The following SNX29 variants were observed in gnomAD, a reference collection of about 807,000 sequenced individuals.
The protein encoded by SNX29 is sorting nexin 29.
Under a neutral mutation model 102.1 loss-of-function variants are expected in SNX29, and 78 were observed. The observed-to-expected ratio is 0.76, with a 90% confidence interval of 0.64 to 0.92. The LOEUF is 0.92. SNX29 is among the 40% of genes least tolerant of loss of function. SNX29 has a pLI of 0.00. For synonymous variants in SNX29, 580 were observed against 414.5 expected, an observed-to-expected ratio of 1.40 and a Z score of -4.85; for missense variants, 1,280 against 1,061.7, an observed-to-expected ratio of 1.21 and a Z score of -2.86.
At chr16:12,074,372 C>CA (rs2051443323) in intron 10 of SNX29, among the ~76,000 whole-genome samples, 1 of 151,872 alleles carries the variant, frequency 6.6e-6, no homozygotes, top group Non-Finnish European at 1.5e-5. Context: ...CTGGTGGTGA[C>CA]AAAATCTCTC....
intron 14 of SNX29, among the ~76,000 whole-genome samples, chr16:12,248,339 G>A (rs1234312934): frequency 6.6e-6 from 1 of 151,140 alleles, no homozygotes; most frequent in Admixed American, 6.6e-5. Context: ...GTTTCCTGGA[G>A]TTCTTCCTCT....
intron 20 of SNX29, chr16:12,526,825 T>A (rs943729968): frequency 4.9e-6 from 2 of 404,640 alleles, no homozygotes; most frequent in Non-Finnish European, 4.7e-6. Context: ...GGTCCAGTGT[T>A]TCCCAAACAT....
At chr16:12,194,630 T>G (rs2076724566) in intron 13 of SNX29, among the ~76,000 whole-genome samples, 2 of 151,092 alleles carry the variant, frequency 1.3e-5, no homozygotes, top group East Asian at 3.9e-4. Flanking sequence ...TAGTTTTTTT[T>G]TTTTTTTTTT....
intron 15 of SNX29, among the ~76,000 whole-genome samples, chr16:12,303,824 G>A (rs1051602964): frequency 9.2e-5 from 14 of 152,142 alleles, no homozygotes; most frequent in Admixed American, 1.3e-4. Flanking sequence ...ACATAGCAGC[G>A]GTTCACTGGG....
At chr16:12,229,751 C>T (rs1294728952) in intron 14 of SNX29, among the ~76,000 whole-genome samples, 1 of 152,146 alleles carries the variant, frequency 6.6e-6, no homozygotes, top group African/African-American at 2.4e-5. Flanking sequence ...TCAGCCAAGT[C>T]AAAAGGGATG....
At chr16:12,530,448 T>A (rs1257850256) in intron 20 of SNX29, among the ~76,000 whole-genome samples, 1 of 152,112 alleles carries the variant, frequency 6.6e-6, no homozygotes, top group Non-Finnish European at 1.5e-5. Context: ...ACACCTACCC[T>A]TGCACTCACT....
At chr16:12,422,638 C>T (rs748862561) in intron 18 of SNX29, among the ~76,000 whole-genome samples, 2 of 152,184 alleles carry the variant, frequency 1.3e-5, no homozygotes, top group Non-Finnish European at 2.9e-5. Context: ...TGAGATTCCT[C>T]GTCCCATCTC....
intron 4 of SNX29, among the ~76,000 whole-genome samples, chr16:12,029,075 T>A (rs1347131338): frequency 6.6e-6 from 1 of 152,064 alleles, no homozygotes; most frequent in Non-Finnish European, 1.5e-5. Context: ...GATACATGCC[T>A]AGAATGTGTA....
chr16:12,512,638 G>A (rs2089682529), intron 19 of SNX29, among the ~76,000 whole-genome samples: 1 of 151,740 alleles, frequency 6.6e-6, no homozygotes, highest in Non-Finnish European at 1.5e-5. Flanking sequence ...CCATGGATAC[G>A]CAGGCGGTTG....
At chr16:12,525,099 T>C (rs952571618) in intron 20 of SNX29, among the ~76,000 whole-genome samples, 2 of 152,094 alleles carry the variant, frequency 1.3e-5, no homozygotes, top group African/African-American at 2.4e-5. Flanking sequence ...TGGGGCTCTG[T>C]GATTTTGTAC....
At chr16:12,158,708 G>T (rs1038734670) in intron 13 of SNX29, among the ~76,000 whole-genome samples, 4 of 152,248 alleles carry the variant, frequency 2.6e-5, no homozygotes, top group African/African-American at 4.8e-5. Flanking sequence ...GTGCACCGGA[G>T]ACTCGGGGTA....
At chr16:11,980,999 C>A (rs1482762605) in intron 1 of SNX29, among the ~76,000 whole-genome samples, 1 of 149,278 alleles carries the variant, frequency 6.7e-6, no homozygotes, top group African/African-American at 2.5e-5. Context: ...CTTGCTCTAT[C>A]ACCCAGGCTG....
chr16:12,403,423 G>GTC (rs755622704), intron 17 of SNX29, 25 bp from the exon 18 acceptor site: 7 of 1,577,616 alleles, frequency 4.4e-6, no homozygotes, highest in East Asian at 4.6e-5. Flanking sequence ...TCTAATGTTG[G>GTC]TCTCTCTCTC....
At chr16:12,063,366 CTTTTTTTTT>C (rs369015533) in intron 9 of SNX29, among the ~76,000 whole-genome samples, 13 of 55,336 alleles carry the variant, frequency 2.3e-4, no homozygotes, top group African/African-American at 2.9e-4. Context: ...CCTAGTCCAT[CTTTTTTTTT>C]TTTTTTTTTT....
chr16:12,059,913 G>A (rs1286692411), intron 8 of SNX29, among the ~76,000 whole-genome samples: 1 of 152,160 alleles, frequency 6.6e-6, no homozygotes, highest in Non-Finnish European at 1.5e-5. Flanking sequence ...TAGTGCTGAT[G>A]GCCTTGGACA....
chr16:12,071,312 G>T (rs368527422), intron 10 of SNX29, among the ~76,000 whole-genome samples: 7 of 152,264 alleles, frequency 4.6e-5, no homozygotes, highest in African/African-American at 1.2e-4. Flanking sequence ...GGTCTAACAT[G>T]TAAGTCTTTA....
chr16:12,536,595 A>T (rs1311732150), intron 20 of SNX29, among the ~76,000 whole-genome samples: 1 of 152,178 alleles, frequency 6.6e-6, no homozygotes, highest in Non-Finnish European at 1.5e-5. Flanking sequence ...AGCACAGAGA[A>T]CGCACTAACT....
intron 14 of SNX29, among the ~76,000 whole-genome samples, chr16:12,225,136 TAAC>T (rs1037472080): frequency 6.6e-6 from 1 of 152,218 alleles, no homozygotes; most frequent in Non-Finnish European, 1.5e-5. Flanking sequence ...TTGATATTAA[TAAC>T]AGTATCAGTG....
intron 15 of SNX29, among the ~76,000 whole-genome samples, chr16:12,337,299 C>T (rs78049078): frequency 0.024 from 3,701 of 151,484 alleles, 83 homozygotes; most frequent in East Asian, 0.13. Flanking sequence ...TAAATGGTAA[C>T]GGGAAATTAT....
Sources: gnomAD v4.1 joint callset for allele counts (sites outside exome capture counted in the v4.1 genomes callset) on GRCh38, gnomAD v4.1.1 for gene constraint, MANE v1.5 for transcripts, NCBI Gene and HGNC (gene_info 2026-07-23, HGNC 2026-07-21) for gene names.